The following SH3PXD2A variants were observed in gnomAD, a reference collection of about 807,000 sequenced individuals.
SH3PXD2A encodes SH3 and PX domain-containing protein 2A.
A neutral mutation model predicts 115.2 loss-of-function variants in SH3PXD2A; 32 were observed. The observed-to-expected ratio is 0.28, with a 90% CI of 0.21 to 0.37. SH3PXD2A has a LOEUF of 0.37. Among genes scored for constraint, SH3PXD2A ranks in the 10% least tolerant of loss-of-function variants. The pLI is 1.00. For synonymous variants in SH3PXD2A, 610 were observed against 629.1 expected (o/e 0.97, Z 0.45); for missense variants, 1,328 against 1,498.7 (o/e 0.89, Z 1.88).
At chr10:103,814,010 AAAAAAC>A (rs2039297784) in intron 1 of SH3PXD2A, among the ~76,000 whole-genome samples, 1 of 135,112 alleles carries the variant, frequency 7.4e-6, no homozygotes, top group Non-Finnish European at 1.6e-5. Flanking sequence ...AAAAAAAAAA[AAAAAAC>A]AACAAAAAAA....
intron 14 of SH3PXD2A, among the ~76,000 whole-genome samples, chr10:103,604,238 T>C (rs1350349162): frequency 3.3e-5 from 5 of 151,962 alleles, no homozygotes; most frequent in Non-Finnish European, 2.9e-5. Flanking sequence ...GTCAGAAGAG[T>C]ATGGGAAGAT....
chr10:103,706,172 T>C (rs921193357), intron 5 of SH3PXD2A, among the ~76,000 whole-genome samples: 1 of 152,192 alleles, frequency 6.6e-6, no homozygotes, highest in African/African-American at 2.4e-5. Context: ...CATGACCACA[T>C]GCTCAAGAGA....
intron 2 of SH3PXD2A, among the ~76,000 whole-genome samples, chr10:103,780,894 T>C (rs971402182): frequency 6.6e-6 from 1 of 152,238 alleles, no homozygotes; most frequent in Non-Finnish European, 1.5e-5. Context: ...GGCTCTCTGC[T>C]GCCTGTGGGA....
At chr10:103,718,691 G>A (rs2038137905) in intron 5 of SH3PXD2A, among the ~76,000 whole-genome samples, 1 of 151,612 alleles carries the variant, frequency 6.6e-6, no homozygotes, top group South Asian at 2.1e-4. Context: ...GACTACAGAG[G>A]AGGTGACCAA....
intron 5 of SH3PXD2A, among the ~76,000 whole-genome samples, chr10:103,700,397 C>A (rs1434562324): frequency 6.6e-6 from 1 of 152,236 alleles, no homozygotes; most frequent in East Asian, 1.9e-4. Flanking sequence ...CCTGGGTTCA[C>A]AGGGGGCTAG....
intron 1 of SH3PXD2A, among the ~76,000 whole-genome samples, chr10:103,842,860 A>T (rs1447717927): frequency 6.6e-6 from 1 of 152,248 alleles, no homozygotes. Flanking sequence ...TGAATGAAAC[A>T]ATGAATGAAT....
At chr10:103,712,338 G>T (rs2038056686) in intron 5 of SH3PXD2A, among the ~76,000 whole-genome samples, 1 of 152,194 alleles carries the variant, frequency 6.6e-6, no homozygotes, top group Non-Finnish European at 1.5e-5. Flanking sequence ...CGTGCCCTCT[G>T]GACCCATGAC....
chr10:103,848,540 C>T (rs1484383609), intron 1 of SH3PXD2A, among the ~76,000 whole-genome samples: 1 of 152,202 alleles, frequency 6.6e-6, no homozygotes. Flanking sequence ...GCCATCGGAG[C>T]CTCTCAGAGC....
At chr10:103,816,190 T>C (rs1330171534) in intron 1 of SH3PXD2A, among the ~76,000 whole-genome samples, 1 of 152,212 alleles carries the variant, frequency 6.6e-6, no homozygotes, top group African/African-American at 2.4e-5. Context: ...CGTAAGGTGA[T>C]GGATGTGGTC....
At chr10:103,637,991 C>A (rs552894665) in intron 8 of SH3PXD2A, among the ~76,000 whole-genome samples, 30 of 152,338 alleles carry the variant, frequency 2.0e-4, no homozygotes, top group African/African-American at 7.2e-4. Flanking sequence ...GCTGCCCACC[C>A]TCGGCCAGGC....
At chr10:103,805,766 G>A (rs1407012349) in intron 1 of SH3PXD2A, among the ~76,000 whole-genome samples, 1 of 152,212 alleles carries the variant, frequency 6.6e-6, no homozygotes, top group Non-Finnish European at 1.5e-5. Flanking sequence ...GCTCATGCCT[G>A]TAATCCCAGC....
At chr10:103,754,561 C>T (rs968226074) in intron 3 of SH3PXD2A, 3 of 151,872 alleles carry the variant, frequency 2.0e-5, no homozygotes, top group African/African-American at 4.9e-5. Flanking sequence ...AAAATCTTAG[C>T]AATCTCCTTG....
At chr10:103,757,650 G>A (rs1461913990) in intron 3 of SH3PXD2A, among the ~76,000 whole-genome samples, 1 of 152,122 alleles carries the variant, frequency 6.6e-6, no homozygotes, top group African/African-American at 2.4e-5. Flanking sequence ...AGCCCCTTGC[G>A]TGGCTGACCC....
intron 8 of SH3PXD2A, among the ~76,000 whole-genome samples, chr10:103,649,709 T>C (rs543456029): frequency 3.9e-5 from 6 of 152,304 alleles, no homozygotes; most frequent in African/African-American, 1.4e-4. Flanking sequence ...CAAAAGATGG[T>C]GAGCACGCTG....
chr10:103,661,254 C>T (rs1564856988), intron 7 of SH3PXD2A, 140 bp from the exon 8 acceptor site: 5 of 1,028,236 alleles, frequency 4.9e-6, no homozygotes, highest in Non-Finnish European at 6.8e-6. Context: ...AGCCGGGGCT[C>T]GCAGCTCACA....
chr10:103,821,140 TTC>T (rs1189747546), intron 1 of SH3PXD2A, among the ~76,000 whole-genome samples: 137 of 127,274 alleles, frequency 1.1e-3, no homozygotes, highest in African/African-American at 3.8e-3. Context: ...TGGTCGTTCA[TTC>T]TTTTTTTTTT....
chr10:103,668,767 C>A, intron 6 of SH3PXD2A, 115 bp from the exon 7 acceptor site: 3 of 931,190 alleles, frequency 3.2e-6, no homozygotes, highest in South Asian at 2.8e-5. Context: ...CGGCCAGCCG[C>A]GGGCGGAAGG....
intron 6 of SH3PXD2A, chr10:103,673,274 A>G (rs1404707278): frequency 6.6e-6 from 1 of 152,152 alleles, no homozygotes; most frequent in African/African-American, 2.4e-5. Context: ...AAAAATAATA[A>G]TAATAAAGGC....
intron 13 of SH3PXD2A, chr10:103,609,561 C>T (rs568467931): frequency 6.6e-6 from 1 of 152,340 alleles, no homozygotes; most frequent in South Asian, 2.1e-4. Flanking sequence ...TTGTGAGCCT[C>T]ACCCATTCAT....
Sources: gnomAD v4.1 joint callset for allele counts (sites outside exome capture counted in the v4.1 genomes callset) on GRCh38, gnomAD v4.1.1 for gene constraint, MANE v1.5 for transcripts, NCBI Gene and HGNC (gene_info 2026-07-23, HGNC 2026-07-21) for gene names.